Variants in PRDM6 observed in about 807,000 individuals in gnomAD.
The protein encoded by PRDM6 is putative histone-lysine N-methyltransferase PRDM6.
In PRDM6, 25 loss-of-function variants were observed where a neutral mutation model predicts 60.8. The observed-to-expected ratio is 0.41, with a 90% CI of 0.30 to 0.57. The LOEUF (loss-of-function observed/expected upper bound fraction) is 0.57. Among genes scored for constraint, PRDM6 ranks in the 20% least tolerant of loss-of-function variants. The probability of loss-of-function intolerance (pLI) is 0.27; values close to 1 mark genes in which losing one functional copy is unlikely to be tolerated. For synonymous variants in PRDM6, 407 were observed against 357.4 expected, an observed-to-expected ratio of 1.14 and a Z score of -1.57; for missense variants, 839 against 821.3, an observed-to-expected ratio of 1.02 and a Z score of -0.26.
chr5:123,114,754 A>G (rs1291224512), intron 3 of PRDM6, among the ~76,000 whole-genome samples: 2 of 152,214 alleles, frequency 1.3e-5, no homozygotes, highest in African/African-American at 4.8e-5. Flanking sequence ...TTTTCAGAGG[A>G]GCATGGTGGG....
At chr5:123,175,999 C>T (rs76230384) in intron 6 of PRDM6, among the ~76,000 whole-genome samples, 1,895 of 152,240 alleles carry the variant, frequency 0.012, 47 homozygotes, top group African/African-American at 0.043. Flanking sequence ...CTAAATCTAC[C>T]CAGGTGTTTT....
In PRDM6 at chr5:123,116,091, G is replaced by A. The variant is rs535791597; in HGVS notation, c.900+16130G>A. On this transcript the variant is annotated intron_variant, in intron 3 of 7. Transcript: ENST00000407847. ...CCCTCTCAAATGCAGGGAGTGCTCC[G>A]TGCTGCCTGGTGTGAGTGAGATAGG... Among the ~76,000 whole-genome samples, 22 of 152,228 alleles carry A rather than the reference G, an allele frequency of 1.4e-4. No homozygotes were observed. The South Asian group carries it at 3.7e-3, about 26-fold the overall frequency.
chr5:123,115,545 T>G (rs1331123327), intron 3 of PRDM6, among the ~76,000 whole-genome samples: 1 of 152,172 alleles, frequency 6.6e-6, no homozygotes, highest in Admixed American at 6.5e-5. Flanking sequence ...GGGCTGAAAA[T>G]ATTTATAAAA....
At chr5:123,174,872 T>A (rs1765969570) in intron 6 of PRDM6, among the ~76,000 whole-genome samples, 1 of 152,234 alleles carries the variant, frequency 6.6e-6, no homozygotes, top group Admixed American at 6.5e-5. Context: ...TTATTATTAC[T>A]TGATTTTGTT....
At chr5:123,108,754 G>C (rs922393537) in intron 3 of PRDM6, among the ~76,000 whole-genome samples, 2 of 152,112 alleles carry the variant, frequency 1.3e-5, no homozygotes, top group African/African-American at 4.8e-5. Flanking sequence ...GTATAAAGCA[G>C]TGGTAACCAT....
intron 6 of PRDM6, among the ~76,000 whole-genome samples, chr5:123,172,209 G>A (rs1330075420): frequency 6.6e-6 from 1 of 152,158 alleles, no homozygotes; most frequent in Non-Finnish European, 1.5e-5. Context: ...AGGCAGGGAG[G>A]ATGGAGGTGG....
At chr5:123,167,529 AC>A (rs1320917435) in intron 5 of PRDM6, among the ~76,000 whole-genome samples, 1 of 152,132 alleles carries the variant, frequency 6.6e-6, no homozygotes, top group African/African-American at 2.4e-5. Flanking sequence ...AGCTGGGATT[AC>A]AGGCATGTGC....
intron 3 of PRDM6, among the ~76,000 whole-genome samples, chr5:123,148,171 A>G (rs1765290083): frequency 6.6e-6 from 1 of 152,232 alleles, no homozygotes; most frequent in South Asian, 2.1e-4. Context: ...TGCACACTCA[A>G]CATAAACCTC....
intron 3 of PRDM6, among the ~76,000 whole-genome samples, chr5:123,154,470 G>A (rs187639766): frequency 7.2e-5 from 11 of 152,126 alleles, no homozygotes; most frequent in African/African-American, 2.7e-4. Flanking sequence ...TAGTGGAAAG[G>A]TTGGGGTTGG....
chr5:123,100,097 A>T, intron 3 of PRDM6, 136 bp downstream of exon 3: 1 of 945,388 alleles, frequency 1.1e-6, no homozygotes, highest in East Asian at 2.8e-5. Flanking sequence ...AGGGTAGCGG[A>T]GAATAGATTT....
At chr5:123,124,565 CG>C (rs1764652122) in intron 3 of PRDM6, among the ~76,000 whole-genome samples, 2 of 152,282 alleles carry the variant, frequency 1.3e-5, no homozygotes, top group Admixed American at 6.5e-5. Context: ...TTTACTGATA[CG>C]GTGTCTAATT....
chr5:123,106,777 A>G (rs1054591478), intron 3 of PRDM6, among the ~76,000 whole-genome samples: 11 of 152,366 alleles, frequency 7.2e-5, no homozygotes, highest in African/African-American at 2.6e-4. Flanking sequence ...TGAAGGCATC[A>G]GCATGAAAAC....
chr5:123,145,251 G>T (rs142929787), intron 3 of PRDM6, among the ~76,000 whole-genome samples: 127 of 152,248 alleles, frequency 8.3e-4, no homozygotes, highest in African/African-American at 3.0e-3. Flanking sequence ...AAGGTTGGAT[G>T]GGAAAATCTA....
At chr5:123,184,262 A>G (rs897756840) in intron 7 of PRDM6, among the ~76,000 whole-genome samples, 1 of 152,226 alleles carries the variant, frequency 6.6e-6, no homozygotes, top group African/African-American at 2.4e-5. Flanking sequence ...CTCCTCGTAC[A>G]TATAATCCAG....
chr5:123,175,251 T>C (rs1342309328), intron 6 of PRDM6, among the ~76,000 whole-genome samples: 1 of 152,192 alleles, frequency 6.6e-6, no homozygotes, highest in Non-Finnish European at 1.5e-5. Flanking sequence ...TTTGCATCCC[T>C]TTTCTTTTCC....
Position 123,099,600 on chromosome 5 carries a change from C to G in PRDM6, c.593-54C>G. ...GGAGTTTACTCAAAGATGGGCCGCT[C>G]GGGGCGGCCGGATTAACCCGCTCCC... On this transcript the variant is annotated intron_variant, in intron 2 of 7. Transcript: ENST00000407847. This position sits in a 1 kb window ranked among gnomAD's most constrained non-coding sequence, Gnocchi z 4.0. 1 of 1,405,118 alleles carries G rather than the reference C, an allele frequency of 7.1e-7. No homozygotes were observed. Among genetic ancestry groups the G allele is most frequent in the Non-Finnish European group, 9.3e-7 (1 of 1,073,850 alleles). The allele number at this position is 1,405,118 out of a possible 1,614,324, so 87.0% of individuals were successfully genotyped here. A position where few individuals can be genotyped will look rare whatever the true frequency, so the allele number is the denominator to read the frequency against.
chr5:123,150,133 A>T (rs964252866), intron 3 of PRDM6, among the ~76,000 whole-genome samples: 10 of 152,118 alleles, frequency 6.6e-5, no homozygotes, highest in Non-Finnish European at 1.3e-4. Flanking sequence ...TCCTTTACAT[A>T]TACTCACTTA....
intron 6 of PRDM6, among the ~76,000 whole-genome samples, chr5:123,172,762 A>G (rs1472091851): frequency 6.6e-6 from 1 of 152,228 alleles, no homozygotes; most frequent in Non-Finnish European, 1.5e-5. Flanking sequence ...AAATTTCTGG[A>G]TAGTAGAACT....
chr5:123,112,783 C>CTTTTTTTTTTTTTT, intron 3 of PRDM6, among the ~76,000 whole-genome samples: 1 of 47,510 alleles, frequency 2.1e-5, no homozygotes, highest in African/African-American at 9.8e-5. Flanking sequence ...TCTAATGGCT[C>CTTTTTTTTTTTTTT]TTTTTTTTTT....
Sources: gnomAD v4.1 joint callset for allele counts (sites outside exome capture counted in the v4.1 genomes callset) on GRCh38, gnomAD v4.1.1 for gene constraint, Gnocchi (gnomAD v3.1) non-coding constraint, MANE v1.5 for transcripts, NCBI Gene and HGNC (gene_info 2026-07-23, HGNC 2026-07-21) for gene names.